TIMM23B: variants seen among roughly 807,000 people sequenced by gnomAD.
TIMM23B encodes mitochondrial import inner membrane translocase subunit Tim23B.
A neutral mutation model predicts 27.3 loss-of-function variants in TIMM23B; 27 were observed. The observed-to-expected ratio is 0.99, with a 90% CI of 0.73 to 1.36. The LOEUF is 1.36. TIMM23B is among the 40% of genes most tolerant of loss of function. The pLI, the probability that TIMM23B is intolerant of heterozygous loss-of-function variation, is 0.00. For missense variants in TIMM23B, 205 were observed against 244.2 expected, an observed-to-expected ratio of 0.84 and a Z score of 1.07; for synonymous variants, 73 against 92.4, an observed-to-expected ratio of 0.79 and a Z score of 1.21.
At chr10:49,946,434 A>C (rs1192920371) in intron 2 of TIMM23B, among the ~76,000 whole-genome samples, 2 of 150,994 alleles carry the variant, frequency 1.3e-5, no homozygotes, top group Non-Finnish European at 2.9e-5. Flanking sequence ...AAATGACATG[A>C]TCTTATCTAT....
chr10:49,943,572 C>A (rs2133042195), intron 1 of TIMM23B, among the ~76,000 whole-genome samples: 1 of 151,868 alleles, frequency 6.6e-6, no homozygotes, highest in African/African-American at 2.4e-5. Context: ...TTCTGAGTTT[C>A]AGAGCACAAA....
In TIMM23B at chr10:49,952,545, G is replaced by A; in HGVS notation, c.344+12G>A. On this transcript the variant is annotated intron_variant, in intron 4 of 6. Transcript: ENST00000651259. ...CCAGGAAATGTACAGTAAGTCTCTT[G>A]TAACCATCTGATGTAGTGATACTTG... 1 of 1,612,914 alleles carries A rather than the reference G, an allele frequency of 6.2e-7. No individual in the cohort carries two copies. The highest frequency in any genetic ancestry group is 8.5e-7 in the Non-Finnish European group (1 of 1,179,322).
At chr10:49,942,777 CCTT>C (rs1175073315) in intron 1 of TIMM23B, among the ~76,000 whole-genome samples, 2,622 of 152,138 alleles carry the variant, frequency 0.017, 73 homozygotes, top group African/African-American at 0.058. Context: ...GGCTAGGAAA[CCTT>C]CTTTAGGAGC....
intron 2 of TIMM23B, among the ~76,000 whole-genome samples, chr10:49,948,463 A>G (rs1347902868): frequency 6.6e-6 from 1 of 152,222 alleles, no homozygotes; most frequent in Non-Finnish European, 1.5e-5. Context: ...ATGGAAACAA[A>G]CCAAATGTTT....
chr10:49,962,954 T>C (rs1182054166), intron 6 of TIMM23B, among the ~76,000 whole-genome samples: 1 of 148,834 alleles, frequency 6.7e-6, no homozygotes, highest in Non-Finnish European at 1.5e-5. Flanking sequence ...TACAATGGCA[T>C]GATCTTGGCT....
At chr10:49,957,210 A>G in intron 5 of TIMM23B, among the ~76,000 whole-genome samples, 1 of 151,664 alleles carries the variant, frequency 6.6e-6, no homozygotes, top group Non-Finnish European at 1.5e-5. Context: ...TGGCTCACAG[A>G]ACTCGAGGGA....
intron 6 of TIMM23B, among the ~76,000 whole-genome samples, chr10:49,971,636 G>T (rs1194508494): frequency 6.6e-6 from 1 of 152,122 alleles, no homozygotes; most frequent in Non-Finnish European, 1.5e-5. Context: ...ATCCTGTATT[G>T]CCATTGAGCA....
intron 6 of TIMM23B, among the ~76,000 whole-genome samples, chr10:49,962,085 T>C (rs1374898505): frequency 6.6e-6 from 1 of 151,304 alleles, no homozygotes; most frequent in Non-Finnish European, 1.5e-5. Flanking sequence ...GTGTAGACTC[T>C]CGTTAGGAGA....
At position 49,942,162 on chromosome 10, in the gene TIMM23B, A is replaced by T; in HGVS notation, c.-33A>T. Reference sequence around the variant, plus strand: ...CCAGCGGACCACCCAGGCTTGAGGCAGCGGCGGGAACCACTCGGTTTGCTG... The same window carrying T: ...CCAGCGGACCACCCAGGCTTGAGGCTGCGGCGGGAACCACTCGGTTTGCTG... On this transcript the variant is annotated 5_prime_UTR_variant, in exon 1 of 7. Transcript: ENST00000651259. 6.4e-7 allele frequency: 1 copy of T among 1,560,120 alleles called. No homozygotes were observed.
At chr10:49,967,256 C>T (rs1335055873) in intron 6 of TIMM23B, among the ~76,000 whole-genome samples, 1 of 151,962 alleles carries the variant, frequency 6.6e-6, no homozygotes, top group Non-Finnish European at 1.5e-5. Flanking sequence ...TTAAAGAGTA[C>T]ATTGGGGATT....
intron 6 of TIMM23B, among the ~76,000 whole-genome samples, chr10:49,963,982 C>G (rs368215793): frequency 4.5e-3 from 685 of 151,804 alleles, no homozygotes; most frequent in East Asian, 0.018. Flanking sequence ...CATGACATGA[C>G]ATGATGAAAT....
intron 6 of TIMM23B, among the ~76,000 whole-genome samples, chr10:49,965,943 G>T (rs1840128326): frequency 6.7e-6 from 1 of 149,196 alleles, no homozygotes; most frequent in Admixed American, 6.7e-5. Flanking sequence ...GAAATGAAAT[G>T]AAATGATGAA....
intron 6 of TIMM23B, among the ~76,000 whole-genome samples, chr10:49,959,095 CTTCT>C: frequency 6.6e-6 from 1 of 152,150 alleles, no homozygotes; most frequent in East Asian, 1.9e-4. Context: ...CTTCAAGGTC[CTTCT>C]TTCTTTTTTT....
rs1839313557 is a variant in TIMM23B, at chr10:49,945,069, G to A, written c.144G>A (p.Val48=). 5 of 1,605,976 alleles carry A rather than the reference G, an allele frequency of 3.1e-6. No individual in the cohort carries two copies. In the African/African-American group the frequency reaches 6.7e-5, roughly 22 times the overall value. The part of the protein sequence containing the change: ...GMNPLCPYLN[V]DPRYLVQDTD... ...ACCCTCTGTGTCCTTATTTAAATGT[G>A]GATCCACGATACCTCGTGCAGGTAA... The change falls in exon 2 of 7, where the codon GTG becomes GTA. Residue 48 remains valine (V), a synonymous_variant. Transcript: ENST00000651259.
rs570201720 is a variant in TIMM23B, at chr10:49,967,159, C to T, written c.515-5853C>T. Among the ~76,000 whole-genome samples, 222 of 152,218 alleles carry T rather than the reference C, an allele frequency of 1.5e-3. 2 individuals are homozygous for T. The highest frequency in any genetic ancestry group is 5.0e-3 in the African/African-American group (208 of 41,532). On this transcript the variant is annotated intron_variant, in intron 6 of 6. Coordinates refer to ENST00000651259, the MANE Select transcript of TIMM23B (RefSeq NM_001290117.2). The stretch of plus-strand genomic sequence containing the variant: ...CTAGTCTCAAACTCCTGAGCTCAAG[C>T]GATCCACCCTGCCTTGGCCTCCCAA...
chr10:49,973,643 C>G lies in TIMM23B; in HGVS notation c.*579C>G, dbSNP rs1293290525. On this transcript the variant is annotated 3_prime_UTR_variant, in exon 7 of 7. Transcript: ENST00000651259. ...AGTGAGCTATGATCCTAACACTGCTCTCCAGCCTGGGTGACACACCAAGTT... is the reference window on the plus strand; with the variant it reads ...AGTGAGCTATGATCCTAACACTGCTGTCCAGCCTGGGTGACACACCAAGTT... 2 of 151,500 alleles carry G rather than the reference C, an allele frequency of 1.3e-5. No individual in the cohort carries two copies. Among genetic ancestry groups the G allele is most frequent in the African/African-American group, 4.9e-5 (2 of 40,872 alleles). The allele number at this position is 151,500 out of a possible 1,614,324, so 9.4% of individuals were successfully genotyped here.
chr10:49,952,112 T>G lies in TIMM23B; in HGVS notation c.166-14T>G. On this transcript the variant is annotated splice_polypyrimidine_tract_variant and intron_variant, in intron 2 of 6. Coordinates refer to ENST00000651259, the MANE Select transcript of TIMM23B (RefSeq NM_001290117.2). The stretch of plus-strand genomic sequence containing the variant: ...GAGGGACACTCAGCTTGGTTTTCAT[T>G]ATTATCCTTTTAGGATACAGATGAG... 1.3e-6 allele frequency: 2 copies of G among 1,573,934 alleles called. No individual in the cohort carries two copies. Among genetic ancestry groups the G allele is most frequent in the Non-Finnish European group, 1.7e-6 (2 of 1,144,614 alleles).
At chr10:49,962,288 C>T (rs1254421067) in intron 6 of TIMM23B, among the ~76,000 whole-genome samples, 1 of 151,670 alleles carries the variant, frequency 6.6e-6, no homozygotes, top group African/African-American at 2.4e-5. Flanking sequence ...CTGCAACCTC[C>T]ACCTCCTGGG....
intron 2 of TIMM23B, among the ~76,000 whole-genome samples, chr10:49,949,196 C>CTTTTT (rs1564679513): frequency 2.1e-5 from 2 of 94,132 alleles, no homozygotes; most frequent in African/African-American, 7.8e-5. Context: ...CCATGCCTGG[C>CTTTTT]CTTTTTTTTT....
Sources: gnomAD v4.1 joint callset for allele counts (sites outside exome capture counted in the v4.1 genomes callset) on GRCh38, gnomAD v4.1.1 for gene constraint, MANE v1.5 for transcripts, NCBI Gene and HGNC (gene_info 2026-07-23, HGNC 2026-07-21) for gene names.